The following ZCCHC14 variants were observed in gnomAD, a reference collection of about 807,000 sequenced individuals.
ZCCHC14 encodes zinc finger CCHC domain-containing protein 14.
ZCCHC14 carries 16 observed loss-of-function variants against 85.0 expected under a neutral mutation model. The observed-to-expected ratio is 0.19, with a 90% confidence interval of 0.13 to 0.29. The LOEUF is 0.29. Among genes scored for constraint, ZCCHC14 ranks in the 10% least tolerant of loss-of-function variants. The pLI, the probability that ZCCHC14 is intolerant of heterozygous loss-of-function variation, is 1.00. For missense variants in ZCCHC14, 1,303 were observed against 1,443.5 expected (o/e 0.90, Z 1.58); for synonymous variants, 775 against 630.7 (o/e 1.23, Z -3.43).
chr16:87,487,834 A>G (rs1357752520), intron 1 of ZCCHC14, among the ~76,000 whole-genome samples: 1 of 152,186 alleles, frequency 6.6e-6, no homozygotes, highest in Non-Finnish European at 1.5e-5. Flanking sequence ...ACACACCCAC[A>G]GCATGGACGG....
rs1346679046 is a variant in ZCCHC14 at position 87,407,335 on chromosome 16, A to G, written c.*2945T>C. 3 of 152,236 alleles carry G rather than the reference A, an allele frequency of 2.0e-5. No individual in the cohort carries two copies. The South Asian group carries it at 6.2e-4, about 31-fold the overall frequency. 9.4% of individuals were successfully genotyped at this position (152,236 alleles called of 1,614,324 possible). On this transcript the variant is annotated 3_prime_UTR_variant, in exon 13 of 13. Transcript: ENST00000671377. ...ATGATACTGGTTTTTAAAATACCCA[A>G]TCACATATATGCATTCAAGAAAATA...
intron 1 of ZCCHC14, among the ~76,000 whole-genome samples, chr16:87,480,503 T>C (rs763456206): frequency 3.9e-5 from 6 of 152,108 alleles, no homozygotes; most frequent in Admixed American, 6.5e-5. Context: ...TGAGAGGTAG[T>C]CATTGGATAA....
chr16:87,419,757 T>C (rs773645311), intron 6 of ZCCHC14, 26 bp downstream of exon 6: 18 of 1,543,786 alleles, frequency 1.2e-5, no homozygotes, highest in South Asian at 1.1e-4. Context: ...TTTTAATTTA[T>C]ATTTAACCAT....
chr16:87,490,436 G>A (rs969936986), intron 1 of ZCCHC14, among the ~76,000 whole-genome samples: 35 of 152,306 alleles, frequency 2.3e-4, no homozygotes, highest in African/African-American at 7.9e-4. Flanking sequence ...ATCACACCAG[G>A]TCAAAGTAAT....
chr16:87,451,693 T>C (rs1910713093), intron 2 of ZCCHC14, among the ~76,000 whole-genome samples: 1 of 152,214 alleles, frequency 6.6e-6, no homozygotes, highest in Admixed American at 6.5e-5. Context: ...GGGCCTATTC[T>C]GGGCAGAGGG....
At chr16:87,482,440 G>A (rs757522433) in intron 1 of ZCCHC14, among the ~76,000 whole-genome samples, 7 of 152,206 alleles carry the variant, frequency 4.6e-5, no homozygotes, top group Non-Finnish European at 8.8e-5. Flanking sequence ...CGAAGGCAGC[G>A]AGATCCCAGC....
chr16:87,460,107 C>T lies in ZCCHC14; in HGVS notation c.595G>A (p.Val199Ile). The part of the protein sequence containing the change: ...HKITPRTEAP[V>I]SSVSNSLENA... Reference sequence around the variant, plus strand: ...TCCAAACTATTACTGACACTGCTGACAGGGGCCTCAGTTCTTGGAGTGATC... The same window carrying T: ...TCCAAACTATTACTGACACTGCTGATAGGGGCCTCAGTTCTTGGAGTGATC... Residue 199 changes from valine to isoleucine, a missense_variant, in exon 2 of 13, where the codon GTC becomes ATC. By Grantham distance (29) the Val-to-Ile change is conservative (BLOSUM62 3). Around this residue, in one of 7 missense-constraint regions of ZCCHC14, gnomAD observed 389 missense variants for 397.8 expected, o/e 0.98. Transcript: ENST00000671377. 2 of 1,614,188 alleles carry T rather than the reference C, an allele frequency of 1.2e-6. No homozygotes were observed. Among genetic ancestry groups the T allele is most frequent in the African/African-American group, 1.3e-5 (1 of 75,050 alleles).
At chr16:87,442,636 A>T (rs1295694231) in intron 2 of ZCCHC14, among the ~76,000 whole-genome samples, 1 of 152,248 alleles carries the variant, frequency 6.6e-6, no homozygotes, top group African/African-American at 2.4e-5. Flanking sequence ...TGTGTGAGAG[A>T]CATAAGCCTA....
At chr16:87,472,825 C>T (rs1040690634) in intron 1 of ZCCHC14, 1 of 152,286 alleles carries the variant, frequency 6.6e-6, no homozygotes, top group Admixed American at 6.5e-5. Flanking sequence ...CCATCTCCCA[C>T]CTCAGCCTCC....
chr16:87,480,146 G>C (rs1912199982), intron 1 of ZCCHC14, among the ~76,000 whole-genome samples: 1 of 152,054 alleles, frequency 6.6e-6, no homozygotes, highest in South Asian at 2.1e-4. Context: ...GCTCACACCT[G>C]TAATCCCAGC....
In ZCCHC14 at chr16:87,491,623, G is replaced by T. The variant is rs1276497688; in HGVS notation, c.570+46C>A. On this transcript the variant is annotated intron_variant, in intron 1 of 12. Transcript: ENST00000671377. This position sits in a 1 kb window ranked among gnomAD's most constrained non-coding sequence, Gnocchi z 5.9. ...CTGGAGGCTTGGAGTGCAGAGTTGG[G>T]GATGCAGACTTGGGGTACAGGGCAG... 1 of 1,360,964 alleles carries T rather than the reference G, an allele frequency of 7.3e-7. No individual in the cohort carries two copies. The highest frequency in any genetic ancestry group is 1.5e-5 in the African/African-American group (1 of 65,272). The allele number at this position is 1,360,964 out of a possible 1,614,324, so 84.3% of individuals were successfully genotyped here.
At chr16:87,435,368 C>T (rs1180536118) in intron 2 of ZCCHC14, among the ~76,000 whole-genome samples, 1 of 152,228 alleles carries the variant, frequency 6.6e-6, no homozygotes, top group Non-Finnish European at 1.5e-5. Context: ...GCGGTGTGCT[C>T]CCAGACAGCG....
intron 1 of ZCCHC14, among the ~76,000 whole-genome samples, chr16:87,490,036 C>A (rs368450789): frequency 1.3e-5 from 2 of 152,254 alleles, no homozygotes; most frequent in African/African-American, 4.8e-5. Context: ...TTACTATAAA[C>A]AACTACATTT....
At chr16:87,423,950 G>C in intron 3 of ZCCHC14, 69 bp from the exon 4 acceptor site, 2 of 1,533,564 alleles carry the variant, frequency 1.3e-6, no homozygotes, top group Non-Finnish European at 1.8e-6. Flanking sequence ...CACGTGTCCT[G>C]GTACGACTGG....
At chr16:87,422,398 G>C (rs777805215) in intron 4 of ZCCHC14, among the ~76,000 whole-genome samples, 1 of 152,126 alleles carries the variant, frequency 6.6e-6, no homozygotes, top group African/African-American at 2.4e-5. Flanking sequence ...GGATGCGGCA[G>C]AAGAAATGCT....
In ZCCHC14 at chr16:87,408,824, G is replaced by C. The variant is rs1043378877; in HGVS notation, c.*1456C>G. ...CATGAGGCTGATTGTCCCATTTTAA[G>C]AATAGTCTGAATATTATAATTTTTT... On this transcript the variant is annotated 3_prime_UTR_variant, in exon 13 of 13. Transcript: ENST00000671377. 2 of 152,428 alleles carry C rather than the reference G, an allele frequency of 1.3e-5. No individual in the cohort carries two copies. The highest frequency in any genetic ancestry group is 4.8e-5 in the African/African-American group (2 of 41,430). 9.4% of individuals were successfully genotyped at this position (152,428 alleles called of 1,614,324 possible).
chr16:87,442,611 G>C lies in ZCCHC14; in HGVS notation c.695-9410C>G, dbSNP rs187162122. Among the ~76,000 whole-genome samples the C allele has an allele frequency of 2.2e-3, 331 of 152,262 alleles. 1 individual carries two copies. Among genetic ancestry groups the C allele is most frequent in the African/African-American group, 7.5e-3 (312 of 41,550 alleles). On this transcript the variant is annotated intron_variant, in intron 2 of 12. Coordinates refer to ENST00000671377, the MANE Select transcript of ZCCHC14 (RefSeq NM_015144.3). ...AAACTTTAGCGGTGGGACAATGGCT[G>C]AAAAAGTCCCAAATTGTGTGAGAGA...
At chr16:87,424,006 C>A in intron 3 of ZCCHC14, 125 bp from the exon 4 acceptor site, 2 of 897,540 alleles carry the variant, frequency 2.2e-6, no homozygotes, top group African/African-American at 1.7e-5. Flanking sequence ...CGTGCACCTG[C>A]TGTGGGAAGC....
intron 9 of ZCCHC14, among the ~76,000 whole-genome samples, chr16:87,414,908 C>G (rs561824287): frequency 6.6e-6 from 1 of 152,046 alleles, no homozygotes; most frequent in Non-Finnish European, 1.5e-5. Context: ...TGGTAAAACC[C>G]GGTCTCTTCT....
Sources: gnomAD v4.1 joint callset for allele counts (sites outside exome capture counted in the v4.1 genomes callset) on GRCh38, gnomAD v4.1.1 for gene constraint, gnomAD v4.1.1 regional missense constraint, Gnocchi (gnomAD v3.1) non-coding constraint, MANE v1.5 for transcripts, NCBI Gene and HGNC (gene_info 2026-07-23, HGNC 2026-07-21) for gene names.